The following RBM20 variants were observed in gnomAD, a reference collection of about 807,000 sequenced individuals.
RBM20 encodes RNA binding motif protein 20.
Under a neutral mutation model 110.1 loss-of-function variants are expected in RBM20, and 51 were observed. The ratio of observed to expected loss-of-function variants is 0.46; its 90% CI spans 0.37 to 0.59. The LOEUF (loss-of-function observed/expected upper bound fraction) is 0.59, where lower values mean the gene tolerates loss of function less well. RBM20 is among the 20% of genes least tolerant of loss of function. The pLI, the probability that RBM20 is intolerant of heterozygous loss-of-function variation, is 0.00. For missense variants in RBM20, 1,512 were observed against 1,574.9 expected (o/e 0.96, Z 0.68); for synonymous variants, 589 against 618.2 (o/e 0.95, Z 0.70).
chr10:110,736,365 C>A (rs542970837), intron 1 of RBM20, among the ~76,000 whole-genome samples: 1 of 148,272 alleles, frequency 6.7e-6, no homozygotes, highest in African/African-American at 2.6e-5. Flanking sequence ...ACTATCTGTG[C>A]GTGTCAAGAC....
At chr10:110,754,576 C>T (rs1843899076) in intron 1 of RBM20, among the ~76,000 whole-genome samples, 1 of 152,166 alleles carries the variant, frequency 6.6e-6, no homozygotes, top group Non-Finnish European at 1.5e-5. Context: ...TGTGATCTAA[C>T]CTCTGGTCCT....
chr10:110,761,677 C>T (rs989771729), intron 1 of RBM20, among the ~76,000 whole-genome samples: 2 of 152,226 alleles, frequency 1.3e-5, no homozygotes, highest in African/African-American at 4.8e-5. Flanking sequence ...TGCCAGTTGC[C>T]TCCTCCTTAC....
intron 9 of RBM20, among the ~76,000 whole-genome samples, chr10:110,814,770 A>G (rs1019631120): frequency 1.3e-5 from 2 of 152,254 alleles, no homozygotes; most frequent in Non-Finnish European, 2.9e-5. Flanking sequence ...CTGGGATTAC[A>G]GGCGTGAGCC....
At chr10:110,784,525 A>G in intron 4 of RBM20, 93 bp downstream of exon 4, 1 of 939,712 alleles carries the variant, frequency 1.1e-6, no homozygotes, top group Non-Finnish European at 1.7e-6. Flanking sequence ...GACTTCCCTG[A>G]TGTCCCCTTC....
intron 1 of RBM20, among the ~76,000 whole-genome samples, chr10:110,701,691 G>A (rs1034961173): frequency 6.6e-6 from 1 of 152,184 alleles, no homozygotes; most frequent in African/African-American, 2.4e-5. Flanking sequence ...CTGTCATTTT[G>A]ATGAATGTCC....
chr10:110,665,995 AAGAG>A (rs56329688), intron 1 of RBM20, among the ~76,000 whole-genome samples: 8 of 145,376 alleles, frequency 5.5e-5, no homozygotes, highest in East Asian at 2.1e-4. Context: ...CAAAGAAAGA[AAGAG>A]AGAGAGAGAG....
chr10:110,714,921 A>G (rs1017102213), intron 1 of RBM20, among the ~76,000 whole-genome samples: 1 of 152,194 alleles, frequency 6.6e-6, no homozygotes, highest in African/African-American at 2.4e-5. Flanking sequence ...GATGTTGATG[A>G]AAATAATATC....
intron 9 of RBM20, among the ~76,000 whole-genome samples, chr10:110,819,045 G>A (rs966199050): frequency 1.3e-5 from 2 of 152,228 alleles, no homozygotes; most frequent in African/African-American, 4.8e-5. Context: ...CTCCTAGTCA[G>A]CTCAAGGGGG....
At chr10:110,796,510 AAG>A (rs1261880392) in intron 5 of RBM20, among the ~76,000 whole-genome samples, 1 of 152,236 alleles carries the variant, frequency 6.6e-6, no homozygotes, top group Non-Finnish European at 1.5e-5. Flanking sequence ...TCATATCACC[AAG>A]GTGAGAGAAT....
intron 1 of RBM20, among the ~76,000 whole-genome samples, chr10:110,728,093 A>G (rs1367802038): frequency 6.6e-6 from 1 of 152,224 alleles, no homozygotes; most frequent in Non-Finnish European, 1.5e-5. Context: ...GCTATTGTAA[A>G]TAGTGCTGTA....
intron 10 of RBM20, 107 bp downstream of exon 10, chr10:110,820,283 C>A: frequency 1.5e-6 from 1 of 684,076 alleles, no homozygotes; most frequent in South Asian, 1.9e-5. Flanking sequence ...TGAGACCCCA[C>A]CATTAGTTCC....
intron 13 of RBM20, among the ~76,000 whole-genome samples, chr10:110,832,543 AAAAC>A (rs1362213319): frequency 1.3e-5 from 2 of 152,202 alleles, no homozygotes; most frequent in Non-Finnish European, 2.9e-5. Flanking sequence ...AGTTAAAAAA[AAAAC>A]AAACTCAGAT....
At chr10:110,806,458 G>C (rs1273050007) in intron 7 of RBM20, among the ~76,000 whole-genome samples, 1 of 152,104 alleles carries the variant, frequency 6.6e-6, no homozygotes, top group Non-Finnish European at 1.5e-5. Context: ...TGGGAGCAGG[G>C]AGGTGCTACA....
At chr10:110,727,552 G>A (rs1310770366) in intron 1 of RBM20, among the ~76,000 whole-genome samples, 1 of 152,070 alleles carries the variant, frequency 6.6e-6, no homozygotes, top group East Asian at 1.9e-4. Flanking sequence ...TTACTCATAT[G>A]CAATGTTTTG....
intron 13 of RBM20, among the ~76,000 whole-genome samples, chr10:110,832,296 G>A (rs1845067434): frequency 6.6e-6 from 1 of 152,148 alleles, no homozygotes; most frequent in Non-Finnish European, 1.5e-5. Flanking sequence ...TTTGACTCAA[G>A]AAGTCCTCAC....
chr10:110,752,945 A>ATATAT (rs1433992064), intron 1 of RBM20, among the ~76,000 whole-genome samples: 33 of 108,994 alleles, frequency 3.0e-4, no homozygotes, highest in African/African-American at 5.6e-4. Context: ...ATATATATAT[A>ATATAT]TTTTTTTTTT....
intron 1 of RBM20, among the ~76,000 whole-genome samples, chr10:110,736,907 G>T (rs1843676389): frequency 6.6e-6 from 1 of 152,032 alleles, no homozygotes. Context: ...TGGCGCAGTG[G>T]CTCACAGCTG....
intron 8 of RBM20, among the ~76,000 whole-genome samples, chr10:110,811,143 G>A (rs1222181700): frequency 6.6e-6 from 1 of 152,168 alleles, no homozygotes; most frequent in Non-Finnish European, 1.5e-5. Context: ...ACGTCCTGGG[G>A]TTCTTGCTGG....
At chr10:110,672,916 G>A (rs2134844552) in intron 1 of RBM20, among the ~76,000 whole-genome samples, 1 of 152,146 alleles carries the variant, frequency 6.6e-6, no homozygotes, top group East Asian at 1.9e-4. Flanking sequence ...ATTTTTTCTA[G>A]TTTTTAATTG....
Sources: allele counts gnomAD v4.1 joint callset (sites outside exome capture counted in the v4.1 genomes callset), GRCh38; gene constraint gnomAD v4.1.1; transcripts MANE v1.5; gene names NCBI Gene and HGNC (gene_info 2026-07-23, HGNC 2026-07-21).